The following GAS2L1 variants were observed in gnomAD, a reference collection of about 807,000 sequenced individuals.
GAS2L1 encodes the protein growth arrest specific 2 like 1, also known as GAS2-like protein 1.
Under a neutral mutation model 44.0 loss-of-function variants are expected in GAS2L1, and 26 were observed. That is an observed-to-expected ratio of 0.59 (90% CI 0.43 to 0.82). The LOEUF is 0.82. Ranked by LOEUF, GAS2L1 falls within the 40% of genes least tolerant of loss-of-function variation. The pLI, the probability that GAS2L1 is intolerant of heterozygous loss-of-function variation, is 0.00. For synonymous variants in GAS2L1, 426 were observed against 415.9 expected (o/e 1.02, Z -0.30); for missense variants, 1,006 against 983.0 (o/e 1.02, Z -0.31).
exon 3 of GAS2L1, chr22:29,310,714 C>G (rs753254546): frequency 1.7e-5 from 28 of 1,609,418 alleles, no homozygotes; most frequent in Non-Finnish European, 2.4e-5. Context: ...AAGCACGACC[C>G]GTGCCGCTGC....
chr22:29,312,368 G>A (rs1406086806), exon 5 of GAS2L1: 1 of 1,603,506 alleles, frequency 6.2e-7, no homozygotes, highest in Admixed American at 1.7e-5. Context: ...TGGACACACA[G>A]CCAGACCGTA....
chr22:29,308,538 C>T, exon 1 of GAS2L1: 1 of 1,602,234 alleles, frequency 6.2e-7, no homozygotes, highest in Non-Finnish European at 8.5e-7. Context: ...GGAGGTGGCG[C>T]GGCGTGGGGC....
exon 3 of GAS2L1, chr22:29,310,659 G>A (rs2061393825): frequency 6.2e-7 from 1 of 1,606,742 alleles, no homozygotes; most frequent in African/African-American, 1.3e-5. Flanking sequence ...CCACGTGATG[G>A]TGCGAGTGGG....
chr22:29,307,726 A>G (rs2061362740), exon 1 of GAS2L1: 1 of 169,966 alleles, frequency 5.9e-6, no homozygotes, highest in Admixed American at 6.4e-5. Context: ...TTTCGTGTCC[A>G]CTGGGGGCCT....
intron 4 of GAS2L1, 172 bp from the exon 6 acceptor site, chr22:29,311,290 C>G (rs1007806451): frequency 1.2e-5 from 7 of 577,870 alleles, no homozygotes; most frequent in African/African-American, 3.8e-5. Flanking sequence ...GCTTTTGGGG[C>G]CCTGGGCCGC....
exon 1 of GAS2L1, chr22:29,307,814 C>T (rs2061363777): frequency 3.5e-6 from 1 of 282,672 alleles, no homozygotes; most frequent in Non-Finnish European, 6.5e-6. Flanking sequence ...AGGCCCCAGC[C>T]AAGCCCCAGT....
chr22:29,310,520 G>A (rs2061391991), exon 2 of GAS2L1: 4 of 1,609,874 alleles, frequency 2.5e-6, no homozygotes, highest in East Asian at 2.2e-5. Context: ...CCGTGTGGGG[G>A]ACTCGAGCCT....
exon 5 of GAS2L1, chr22:29,311,745 C>T (rs1162512861): frequency 1.3e-6 from 2 of 1,533,956 alleles, no homozygotes; most frequent in South Asian, 1.2e-5. Flanking sequence ...CAGCCCTGCC[C>T]GGCGGGCCCG....
chr22:29,308,646 G>A (rs2061374253), exon 1 of GAS2L1: 1 of 1,569,980 alleles, frequency 6.4e-7, no homozygotes, highest in Non-Finnish European at 8.6e-7. Flanking sequence ...CCCTGCCGCT[G>A]GGGAGGACAC....
At chr22:29,312,258 G>A (rs748008138) in exon 5 of GAS2L1, 1 of 1,612,206 alleles carries the variant, frequency 6.2e-7, no homozygotes, top group South Asian at 1.1e-5. Context: ...CAGCTCCTCC[G>A]ATGAAGGCAG....
At chr22:29,310,965 G>C in exon 4 of GAS2L1, 1 of 1,613,530 alleles carries the variant, frequency 6.2e-7, no homozygotes, top group Non-Finnish European at 8.5e-7. Flanking sequence ...GTTAGCTTAC[G>C]AAGCACAAAG....
At chr22:29,310,652 C>G in exon 3 of GAS2L1, 1 of 1,607,060 alleles carries the variant, frequency 6.2e-7, no homozygotes, top group Non-Finnish European at 8.5e-7. Flanking sequence ...TGAGGAGCCA[C>G]GTGATGGTGC....
chr22:29,308,086 G>A lies in GAS2L1; in HGVS notation c.-20G>A. The A allele has an allele frequency of 2.6e-6, 4 of 1,528,594 alleles. No homozygotes were observed. The highest frequency in any genetic ancestry group is 3.5e-6 in the Non-Finnish European group (4 of 1,135,188). 94.7% of individuals were successfully genotyped at this position (1,528,594 alleles called of 1,614,324 possible). Reference sequence around the variant, plus strand: ...ATCCTGAACTGTGTTCCTGCCCACAGTGACTCGGCCGGTCCGGGCATGGCA... The same window carrying A: ...ATCCTGAACTGTGTTCCTGCCCACAATGACTCGGCCGGTCCGGGCATGGCA... On this transcript the variant is annotated 5_prime_UTR_variant, in exon 1 of 5. Transcript: ENST00000618518.
chr22:29,308,803 G>A, intron 1 of GAS2L1, 65 bp downstream of exon 2: 2 of 1,297,210 alleles, frequency 1.5e-6, no homozygotes, highest in Non-Finnish European at 2.1e-6. Flanking sequence ...ATCTGTCCCT[G>A]AACCTCCCAG....
At chr22:29,310,803 G>A in intron 3 of GAS2L1, 24 bp from the exon 5 acceptor site, 1 of 1,607,282 alleles carries the variant, frequency 6.2e-7, no homozygotes. Context: ...TCCCTCACAT[G>A]CTGCCTGTCC....
At chr22:29,312,488 C>T in exon 5 of GAS2L1, 6 of 1,509,056 alleles carry the variant, frequency 4.0e-6, no homozygotes, top group Non-Finnish European at 5.3e-6. Flanking sequence ...AGCCAGATTC[C>T]TGGATGTGAT....
At chr22:29,307,731 G>A (rs1602642915) in exon 1 of GAS2L1, 1 of 172,684 alleles carries the variant, frequency 5.8e-6, no homozygotes, top group East Asian at 1.5e-4. Flanking sequence ...TGTCCACTGG[G>A]GGCCTTAGCC....
At chr22:29,308,268 G>C in exon 1 of GAS2L1, 1 of 1,608,934 alleles carries the variant, frequency 6.2e-7, no homozygotes. Flanking sequence ...CTTCCTGACA[G>C]GGCTGGCCAC....
chr22:29,312,214 A>G, exon 5 of GAS2L1: 3 of 1,612,998 alleles, frequency 1.9e-6, no homozygotes, highest in East Asian at 2.2e-5. Context: ...CGGACGGCCA[A>G]TGGGCTGCCT....
Sources: allele counts gnomAD v4.1 joint callset, GRCh38; gene constraint gnomAD v4.1.1; transcripts MANE v1.5; gene names NCBI Gene and HGNC (gene_info 2026-07-23, HGNC 2026-07-21).